PLCL1: variants seen among roughly 807,000 people sequenced by gnomAD.
PLCL1 encodes inactive phospholipase C-like protein 1.
A neutral mutation model predicts 84.4 loss-of-function variants in PLCL1; 41 were observed. The ratio of observed to expected loss-of-function variants is 0.49; its 90% CI spans 0.38 to 0.63. The LOEUF (loss-of-function observed/expected upper bound fraction) is 0.63. Among genes scored for constraint, PLCL1 ranks in the 30% least tolerant of loss-of-function variants. The probability of loss-of-function intolerance (pLI) is 0.00; values close to 1 mark genes in which losing one functional copy is unlikely to be tolerated. For synonymous variants in PLCL1, 490 were observed against 488.3 expected (o/e 1.00, Z -0.05); for missense variants, 1,206 against 1,367.8 (o/e 0.88, Z 1.87).
chr2:198,008,094 C>T (rs1352081883), intron 1 of PLCL1, among the ~76,000 whole-genome samples: 2 of 152,034 alleles, frequency 1.3e-5, no homozygotes, highest in African/African-American at 4.8e-5. Context: ...GTCTTATTAC[C>T]TCCAGAAATG....
At chr2:198,120,715 CT>C (rs1350422710) in intron 5 of PLCL1, among the ~76,000 whole-genome samples, 1 of 152,036 alleles carries the variant, frequency 6.6e-6, no homozygotes, top group Non-Finnish European at 1.5e-5. Flanking sequence ...ATCCATTCAT[CT>C]GCTGATGGAC....
At chr2:197,993,001 T>G (rs1002211583) in intron 1 of PLCL1, among the ~76,000 whole-genome samples, 1 of 152,212 alleles carries the variant, frequency 6.6e-6, no homozygotes, top group African/African-American at 2.4e-5. Flanking sequence ...TGAGTCCCTG[T>G]TTTCACTTTT....
intron 1 of PLCL1, among the ~76,000 whole-genome samples, chr2:197,909,328 C>A (rs1158502585): frequency 6.8e-6 from 1 of 146,710 alleles, no homozygotes; most frequent in Non-Finnish European, 1.5e-5. Flanking sequence ...TTCTTTTTCT[C>A]TTTTTTTTTT....
chr2:197,872,941 A>G (rs1687673518), intron 1 of PLCL1, among the ~76,000 whole-genome samples: 1 of 152,130 alleles, frequency 6.6e-6, no homozygotes, highest in African/African-American at 2.4e-5. Flanking sequence ...TTTGATCATC[A>G]TGGCATGCTA....
At chr2:198,036,919 GAGGC>G (rs1691563775) in intron 1 of PLCL1, among the ~76,000 whole-genome samples, 1 of 152,178 alleles carries the variant, frequency 6.6e-6, no homozygotes, top group Non-Finnish European at 1.5e-5. Context: ...CAACATCCCA[GAGGC>G]TGGATCCTGT....
intron 5 of PLCL1, 69 bp from the exon 6 acceptor site, chr2:198,146,711 A>C (rs1170097008): frequency 4.6e-6 from 6 of 1,313,760 alleles, no homozygotes; most frequent in Non-Finnish European, 4.3e-6. Context: ...AAGAACATAG[A>C]GTGATGTCAC....
chr2:197,903,360 A>G (rs1013229373), intron 1 of PLCL1, among the ~76,000 whole-genome samples: 6 of 151,754 alleles, frequency 4.0e-5, no homozygotes, highest in African/African-American at 1.5e-4. Context: ...GCTCTAGTCC[A>G]ATGCCTGTAT....
chr2:197,838,319 TTTAGC>T (rs1271136933), intron 1 of PLCL1, among the ~76,000 whole-genome samples: 4 of 152,230 alleles, frequency 2.6e-5, no homozygotes, highest in African/African-American at 9.6e-5. Flanking sequence ...TCGAAGAGCA[TTTAGC>T]TTCTCCAAAG....
At chr2:198,096,071 A>G (rs1181440362) in intron 3 of PLCL1, among the ~76,000 whole-genome samples, 4 of 152,218 alleles carry the variant, frequency 2.6e-5, no homozygotes, top group Admixed American at 2.6e-4. Context: ...GATGCCTACT[A>G]TGTGCAAGGC....
intron 1 of PLCL1, among the ~76,000 whole-genome samples, chr2:198,051,957 T>G (rs1202944914): frequency 6.6e-6 from 1 of 151,970 alleles, no homozygotes; most frequent in East Asian, 1.9e-4. Flanking sequence ...TTGTCCAGGC[T>G]GGAGTGCAAT....
intron 1 of PLCL1, among the ~76,000 whole-genome samples, chr2:197,973,833 G>A (rs984596877): frequency 1.3e-5 from 2 of 152,180 alleles, no homozygotes; most frequent in East Asian, 1.9e-4. Flanking sequence ...ACCATTAGAG[G>A]GTTTAAACAA....
At chr2:197,997,569 G>A (rs1280566137) in intron 1 of PLCL1, among the ~76,000 whole-genome samples, 1 of 152,170 alleles carries the variant, frequency 6.6e-6, no homozygotes, top group Non-Finnish European at 1.5e-5. Flanking sequence ...GGCCCTGCAC[G>A]CACTGATGGC....
At chr2:197,988,108 C>T (rs760319534) in intron 1 of PLCL1, among the ~76,000 whole-genome samples, 4 of 152,050 alleles carry the variant, frequency 2.6e-5, no homozygotes, top group Non-Finnish European at 5.9e-5. Context: ...GCACTGTCAG[C>T]CACAAGTAGG....
intron 1 of PLCL1, among the ~76,000 whole-genome samples, chr2:198,036,492 A>G (rs1018151139): frequency 1.3e-5 from 2 of 152,206 alleles, no homozygotes; most frequent in Admixed American, 1.3e-4. Context: ...GTTAGAGGGA[A>G]CTATCTGCTT....
Position 198,083,813 on chromosome 2 carries a change from T to C in PLCL1, c.296T>C (p.Met99Thr). 1 of 1,609,066 alleles carries C rather than the reference T, an allele frequency of 6.2e-7. No homozygotes were observed. The highest frequency in any genetic ancestry group is 1.1e-5 in the South Asian group (1 of 90,202). The change falls in exon 2 of 6, where the codon ATG (methionine) becomes ACG (threonine). Residue 99 changes from methionine to threonine, a missense_variant. Transcript: ENST00000428675. ...GRKKTVSFSSMPSEKKISSAN... is the reference protein window; with the variant it reads ...GRKKTVSFSSTPSEKKISSAN... The stretch of plus-strand genomic sequence containing the variant: ...AAGAAAACCGTGTCTTTCAGCAGCA[T>C]GCCATCGGAAAAGAAAATTAGCAGT...
rs146144172 is a variant in PLCL1, at chr2:198,047,473, C to T, written c.241-36285C>T. 8.2e-3 allele frequency among the ~76,000 whole-genome samples: 1,245 copies of T among 152,148 alleles called. 8 individuals are homozygous for T. Among genetic ancestry groups the T allele is most frequent in the Non-Finnish European group, 0.011 (714 of 67,948 alleles). ...CTAGGAATATAGGCATGAGCCACCA[C>T]GCCCAGCCAAAAGATGCAGTAATTT... On this transcript the variant is annotated intron_variant, in intron 1 of 5. Transcript: ENST00000428675.
Position 197,805,006 on chromosome 2 carries a change from C to A in PLCL1, c.-94C>A. On this transcript the variant is annotated 5_prime_UTR_variant, in exon 1 of 6. Transcript: ENST00000428675. This position sits in a 1 kb window ranked among gnomAD's most constrained non-coding sequence, Gnocchi z 4.0. Reference sequence around the variant, plus strand: ...GCGGTGAAACAAAGTCTGGCGGGGCCGCCTCCCGGTGCAGGAGCGCACCGG... The same window carrying A: ...GCGGTGAAACAAAGTCTGGCGGGGCAGCCTCCCGGTGCAGGAGCGCACCGG... 7.5e-7 allele frequency: 1 copy of A among 1,341,400 alleles called. No homozygotes were observed. Among genetic ancestry groups the A allele is most frequent in the Non-Finnish European group, 9.7e-7 (1 of 1,034,576 alleles). 83.1% of individuals were successfully genotyped at this position (1,341,400 alleles called of 1,614,324 possible).
At chr2:197,830,324 T>A (rs1691030433) in intron 1 of PLCL1, among the ~76,000 whole-genome samples, 1 of 151,750 alleles carries the variant, frequency 6.6e-6, no homozygotes, top group Admixed American at 6.6e-5. Flanking sequence ...GAGAAGAACA[T>A]AAATGAACTG....
At chr2:197,985,861 T>A (rs948085507) in intron 1 of PLCL1, among the ~76,000 whole-genome samples, 3 of 152,234 alleles carry the variant, frequency 2.0e-5, no homozygotes, top group African/African-American at 7.2e-5. Flanking sequence ...GGATCCATTT[T>A]AAGTGAATTA....
Sources: gnomAD v4.1 joint callset for allele counts (sites outside exome capture counted in the v4.1 genomes callset) on GRCh38, gnomAD v4.1.1 for gene constraint, Gnocchi (gnomAD v3.1) non-coding constraint, MANE v1.5 for transcripts, NCBI Gene and HGNC (gene_info 2026-07-23, HGNC 2026-07-21) for gene names.